Variants in SHC4 observed in about 807,000 individuals in gnomAD.
The protein encoded by SHC4 is SHC-transforming protein 4.
A neutral mutation model predicts 69.4 loss-of-function variants in SHC4; 41 were observed. That is an observed-to-expected ratio of 0.59 (90% confidence interval 0.46 to 0.77). The LOEUF (loss-of-function observed/expected upper bound fraction) is 0.77. Among genes scored for constraint, SHC4 ranks in the 30% least tolerant of loss-of-function variants. SHC4 has a pLI of 0.00. For synonymous variants in SHC4, 318 were observed against 299.3 expected, an observed-to-expected ratio of 1.06 and a Z score of -0.64; for missense variants, 777 against 783.8, an observed-to-expected ratio of 0.99 and a Z score of 0.10.
At chr15:48,832,311 A>G (rs1280333755) in intron 11 of SHC4, among the ~76,000 whole-genome samples, 1 of 152,164 alleles carries the variant, frequency 6.6e-6, no homozygotes, top group Non-Finnish European at 1.5e-5. Context: ...TGGTTTTGCC[A>G]GATGGAGTAG....
At chr15:48,938,400 C>T (rs772446952) in intron 1 of SHC4, 32 of 152,178 alleles carry the variant, frequency 2.1e-4, no homozygotes, top group Admixed American at 8.5e-4. Context: ...CCCTGGAAGG[C>T]CCTTATTCCT....
In SHC4 at chr15:48,834,937, G is replaced by A. The variant is rs1426199; in HGVS notation, c.1569C>T (p.Ser523=). The A allele has an allele frequency of 0.11, 172,291 of 1,613,428 alleles. 9,852 individuals are homozygous for A. The highest frequency in any genetic ancestry group is 0.11 in the Non-Finnish European group (132,828 of 1,179,680). The change falls in exon 11 of 12, where the codon AGC becomes AGT. Residue 523 remains serine (S), a synonymous_variant. Coordinates refer to ENST00000332408, the MANE Select transcript of SHC4 (RefSeq NM_203349.4). Reference sequence around the variant, plus strand: ...TCAGCTTGCCATGATAGCATTCTTCGCTCCACAGCTGCTGCTTAATGTGTG... The same window carrying A: ...TCAGCTTGCCATGATAGCATTCTTCACTCCACAGCTGCTGCTTAATGTGTG... ...SLPHIKQQLW[S]EECYHGKLSR...
chr15:48,875,686 A>G (rs1899784431), intron 4 of SHC4, among the ~76,000 whole-genome samples: 1 of 152,242 alleles, frequency 6.6e-6, no homozygotes, highest in Non-Finnish European at 1.5e-5. Context: ...AAGTCTTTGA[A>G]TGATTACATA....
intron 1 of SHC4, among the ~76,000 whole-genome samples, chr15:48,956,207 T>G (rs926580789): frequency 1.3e-5 from 2 of 152,170 alleles, no homozygotes; most frequent in Non-Finnish European, 2.9e-5. Context: ...CTCCCATCCA[T>G]ACTACCTCCC....
In SHC4 at chr15:48,826,003, T is replaced by C. The variant is rs1238879360; in HGVS notation, c.1861A>G (p.Asn621Asp). The stretch of plus-strand genomic sequence containing the variant: ...TTGGAATGCAAAAGTGCTGGATTAT[T>C]ATCTTTTCTCACTGGTTGTTTAAGG... The part of the protein sequence containing the change: ...VSLKQPVRKD[N>D]NPALLHSNK The change falls in exon 12 of 12, where the codon AAT becomes GAT. Residue 621 changes from asparagine to aspartate, a missense_variant. Asn to Asp is a conservative substitution (Grantham distance 23). Coordinates refer to ENST00000332408, the MANE Select transcript of SHC4 (RefSeq NM_203349.4). 6.2e-7 allele frequency: 1 copy of C among 1,613,954 alleles called. No homozygotes were observed. The highest frequency in any genetic ancestry group is 1.7e-5 in the Admixed American group (1 of 60,002).
intron 2 of SHC4, among the ~76,000 whole-genome samples, chr15:48,895,056 C>T (rs1014242292): frequency 2.0e-5 from 3 of 152,108 alleles, no homozygotes; most frequent in African/African-American, 7.2e-5. Context: ...TCTCCCACCT[C>T]AGCCTCCCAA....
intron 1 of SHC4, among the ~76,000 whole-genome samples, chr15:48,925,699 G>A (rs1900841580): frequency 6.6e-6 from 1 of 152,218 alleles, no homozygotes. Flanking sequence ...TGTGGCAGCA[G>A]TGAGGATCCA....
At chr15:48,831,440 TC>T (rs1406700973) in intron 11 of SHC4, among the ~76,000 whole-genome samples, 1 of 152,208 alleles carries the variant, frequency 6.6e-6, no homozygotes, top group Non-Finnish European at 1.5e-5. Flanking sequence ...CCATTTCAAA[TC>T]TTTTATATCC....
intron 9 of SHC4, among the ~76,000 whole-genome samples, chr15:48,850,434 G>T (rs900928292): frequency 1.1e-4 from 16 of 152,110 alleles, no homozygotes; most frequent in African/African-American, 3.6e-4. Flanking sequence ...TGACTACCTT[G>T]TAGATGGCAA....
At position 48,826,094 on chromosome 15, in the gene SHC4, G is replaced by A. The variant is rs1208984812; in HGVS notation, c.1770C>T (p.Val590=). ...VRTKDHVFDN[V]GHLIRYHMDN... ...CCATATGGTATCTGATAAGGTGGCC[G>A]ACATTATCAAATACATGATCCTTGG... Residue 590 remains valine, a synonymous_variant, in exon 12 of 12, where the codon GTC becomes GTT. Coordinates refer to ENST00000332408, the MANE Select transcript of SHC4 (RefSeq NM_203349.4). The A allele has an allele frequency of 9.3e-6, 15 of 1,613,300 alleles. No individual in the cohort carries two copies. Among genetic ancestry groups the A allele is most frequent in the South Asian group, 5.5e-5 (5 of 90,902 alleles).
intron 2 of SHC4, among the ~76,000 whole-genome samples, chr15:48,923,678 C>T (rs532755785): frequency 7.9e-6 from 1 of 126,266 alleles, no homozygotes; most frequent in Admixed American, 8.9e-5. Context: ...GTCTTGCTGT[C>T]ACCCACACAG....
At chr15:48,945,006 T>G (rs1049807089) in intron 1 of SHC4, among the ~76,000 whole-genome samples, 1 of 152,202 alleles carries the variant, frequency 6.6e-6, no homozygotes, top group Non-Finnish European at 1.5e-5. Context: ...AACACTGATG[T>G]TTATGCTTAT....
Position 48,962,839 on chromosome 15 carries a change from G to A in SHC4, c.177C>T (p.Pro59=). 6.2e-7 allele frequency: 1 copy of A among 1,612,840 alleles called. No homozygotes were observed. The part of the protein sequence containing the change: ...SVGNKGSPQP[P]HPALAPHLPT... Reference sequence around the variant, plus strand: ...GCAGGTGAGGTGCCAGGGCGGGGTGGGGAGGCTGCGGCGAGCCCTTGTTCC... The same window carrying A: ...GCAGGTGAGGTGCCAGGGCGGGGTGAGGAGGCTGCGGCGAGCCCTTGTTCC... The change falls in exon 1 of 12, where the codon CCC becomes CCT. Residue 59 remains proline, a synonymous_variant. Transcript: ENST00000332408.
intron 10 of SHC4, among the ~76,000 whole-genome samples, chr15:48,838,222 CAAG>C (rs755215870): frequency 6.6e-6 from 1 of 152,140 alleles, no homozygotes; most frequent in Non-Finnish European, 1.5e-5. Context: ...AGAGCTGAAA[CAAG>C]AAAGCGGAGC....
intron 1 of SHC4, among the ~76,000 whole-genome samples, chr15:48,940,403 A>T (rs1273417647): frequency 6.6e-6 from 1 of 152,192 alleles, no homozygotes; most frequent in Admixed American, 6.5e-5. Flanking sequence ...AATCTGACTC[A>T]GCTTTCAGTA....
At chr15:48,837,536 T>C (rs1442725040) in intron 10 of SHC4, among the ~76,000 whole-genome samples, 1 of 152,162 alleles carries the variant, frequency 6.6e-6, no homozygotes, top group Non-Finnish European at 1.5e-5. Context: ...ATAATAATTA[T>C]AATCTAAATA....
chr15:48,932,493 C>T (rs576668800), intron 1 of SHC4, among the ~76,000 whole-genome samples: 3 of 152,260 alleles, frequency 2.0e-5, no homozygotes, highest in Admixed American at 1.3e-4. Context: ...ACTCTTTAGC[C>T]TTTTCCTCCC....
chr15:48,858,812 T>C (rs1017560829), intron 6 of SHC4, among the ~76,000 whole-genome samples: 2 of 152,090 alleles, frequency 1.3e-5, no homozygotes, highest in African/African-American at 2.4e-5. Flanking sequence ...ACCAGAAGAA[T>C]TGAGAGATGA....
At chr15:48,916,752 A>G (rs942699312) in intron 2 of SHC4, among the ~76,000 whole-genome samples, 1 of 152,160 alleles carries the variant, frequency 6.6e-6, no homozygotes, top group Non-Finnish European at 1.5e-5. Flanking sequence ...GCAATCACAC[A>G]AAGGAGGAAA....
Sources: gnomAD v4.1 joint callset for allele counts (sites outside exome capture counted in the v4.1 genomes callset) on GRCh38, gnomAD v4.1.1 for gene constraint, MANE v1.5 for transcripts, NCBI Gene and HGNC (gene_info 2026-07-23, HGNC 2026-07-21) for gene names.